Variants in LRMDA observed in about 807,000 individuals in gnomAD.
LRMDA encodes leucine rich melanocyte differentiation associated, also known as leucine-rich melanocyte differentiation-associated protein.
In LRMDA, 18 loss-of-function variants were observed where a neutral mutation model predicts 29.8. The observed-to-expected ratio is 0.60, with a 90% CI of 0.42 to 0.90. The LOEUF is 0.90. Among genes scored for constraint, LRMDA ranks in the 40% least tolerant of loss-of-function variants. The pLI, the probability that LRMDA is intolerant of heterozygous loss-of-function variation, is 0.00. For synonymous variants in LRMDA, 125 were observed against 109.4 expected (o/e 1.14, Z -0.89); for missense variants, 273 against 273.9 (o/e 1.00, Z 0.02).
chr10:76,357,643 T>C (rs1244869768), intron 6 of LRMDA, among the ~76,000 whole-genome samples: 4 of 152,158 alleles, frequency 2.6e-5, no homozygotes, highest in African/African-American at 9.7e-5. Context: ...CAGAGTGAAC[T>C]AGCTGCAGAG....
intron 6 of LRMDA, among the ~76,000 whole-genome samples, chr10:76,345,253 T>A (rs1213905871): frequency 6.9e-6 from 1 of 145,790 alleles, no homozygotes; most frequent in Admixed American, 6.8e-5. Context: ...TTTTTTTTTT[T>A]AGTAGAGACG....
intron 6 of LRMDA, among the ~76,000 whole-genome samples, chr10:76,439,064 G>A (rs925795139): frequency 1.3e-5 from 2 of 152,110 alleles, no homozygotes; most frequent in African/African-American, 4.8e-5. Flanking sequence ...TATTTGATTT[G>A]TAAAATATAA....
chr10:76,264,170 C>A lies in LRMDA; in HGVS notation c.517-60231C>A, dbSNP rs181479621. On this transcript the variant is annotated intron_variant, in intron 5 of 6. Coordinates refer to ENST00000611255, the MANE Select transcript of LRMDA (RefSeq NM_001305581.2). The stretch of plus-strand genomic sequence containing the variant: ...TCCCAACACTTTGGGAGGCCGAGAC[C>A]GGCAGATCACTTGAGGCCAGGAGTT... Among the ~76,000 whole-genome samples the A allele has an allele frequency of 1.0e-3, 159 of 151,954 alleles. 1 individual carries two copies. Among genetic ancestry groups the A allele is most frequent in the Middle Eastern group, 0.01 (3 of 294 alleles).
At chr10:75,539,955 T>G (rs1839996438) in intron 2 of LRMDA, among the ~76,000 whole-genome samples, 1 of 152,072 alleles carries the variant, frequency 6.6e-6, no homozygotes, top group Non-Finnish European at 1.5e-5. Flanking sequence ...CACCCAGGGG[T>G]TAAAGGTTAT....
intron 5 of LRMDA, among the ~76,000 whole-genome samples, chr10:76,113,040 C>A (rs1469100234): frequency 6.6e-6 from 1 of 152,166 alleles, no homozygotes; most frequent in Non-Finnish European, 1.5e-5. Flanking sequence ...TTAATCCAGG[C>A]CTTTTCCCTT....
chr10:75,872,890 CCTT>C (rs2132334046), intron 2 of LRMDA, among the ~76,000 whole-genome samples: 1 of 152,194 alleles, frequency 6.6e-6, no homozygotes, highest in Non-Finnish European at 1.5e-5. Flanking sequence ...TGTCTTCTCT[CCTT>C]CTTAGAGACA....
intron 2 of LRMDA, among the ~76,000 whole-genome samples, chr10:75,768,782 T>C (rs899771008): frequency 6.6e-6 from 1 of 152,182 alleles, no homozygotes; most frequent in Non-Finnish European, 1.5e-5. Context: ...TATAGTACAA[T>C]GGGATTGTAT....
At position 76,395,990 on chromosome 10, in the gene LRMDA, C is replaced by T. The variant is rs1841779111; in HGVS notation, c.601+71505C>T. Among the ~76,000 whole-genome samples, 10 of 152,154 alleles carry T rather than the reference C, an allele frequency of 6.6e-5. No homozygotes were observed. In the South Asian group the frequency reaches 2.1e-3, roughly 32 times the overall value. On this transcript the variant is annotated intron_variant, in intron 6 of 6. Transcript: ENST00000611255. Reference sequence around the variant, plus strand: ...CTGGGGCTGCCTGATACAAAAAGTTCCTTGTGAAAAGAGAAGATTGGAATC... The same window carrying T: ...CTGGGGCTGCCTGATACAAAAAGTTTCTTGTGAAAAGAGAAGATTGGAATC...
chr10:75,550,302 C>T (rs1840126876), intron 2 of LRMDA, among the ~76,000 whole-genome samples: 2 of 152,050 alleles, frequency 1.3e-5, no homozygotes, highest in South Asian at 4.2e-4. Flanking sequence ...TTCAAGTCTC[C>T]TATTCTTCCT....
chr10:75,937,418 C>G (rs551565340), intron 2 of LRMDA, among the ~76,000 whole-genome samples: 1 of 152,272 alleles, frequency 6.6e-6, no homozygotes, highest in Non-Finnish European at 1.5e-5. Flanking sequence ...GGGGGCCTGG[C>G]CCTCACAGGG....
intron 6 of LRMDA, among the ~76,000 whole-genome samples, chr10:76,336,699 C>A (rs1356521292): frequency 6.6e-6 from 1 of 152,128 alleles, no homozygotes; most frequent in Admixed American, 6.5e-5. Flanking sequence ...AAAAAAATAT[C>A]CTGTGTTGTT....
intron 2 of LRMDA, among the ~76,000 whole-genome samples, chr10:75,520,873 A>T (rs1481809037): frequency 6.6e-6 from 1 of 151,996 alleles, no homozygotes; most frequent in Non-Finnish European, 1.5e-5. Flanking sequence ...TTTGGTGTGG[A>T]TGCCCTTTTT....
chr10:75,616,876 T>C (rs766854434), intron 2 of LRMDA, among the ~76,000 whole-genome samples: 7 of 152,242 alleles, frequency 4.6e-5, no homozygotes, highest in Non-Finnish European at 8.8e-5. Flanking sequence ...AGATTCTCTC[T>C]GCCAGGGTGT....
At chr10:76,397,931 A>G (rs1176049119) in intron 6 of LRMDA, among the ~76,000 whole-genome samples, 2 of 152,222 alleles carry the variant, frequency 1.3e-5, no homozygotes, top group African/African-American at 4.8e-5. Context: ...TGCCACTCCT[A>G]GAGCACAAAC....
chr10:75,473,962 G>A (rs1201521693), intron 2 of LRMDA, among the ~76,000 whole-genome samples: 1 of 152,188 alleles, frequency 6.6e-6, no homozygotes, highest in Admixed American at 6.5e-5. Context: ...TAGGTCTGGG[G>A]TGAGGTCCAA....
At chr10:76,312,480 A>G (rs1840641243) in intron 5 of LRMDA, among the ~76,000 whole-genome samples, 1 of 152,038 alleles carries the variant, frequency 6.6e-6, no homozygotes, top group South Asian at 2.1e-4. Context: ...CTTGACCCGT[A>G]GCCCTCAAGA....
chr10:75,989,465 C>T (rs1214161777), intron 2 of LRMDA, among the ~76,000 whole-genome samples: 4 of 152,202 alleles, frequency 2.6e-5, no homozygotes, highest in Non-Finnish European at 4.4e-5. Context: ...TCAACCACAG[C>T]TCCAAAGGGG....
In LRMDA at chr10:76,084,194, C is replaced by CTATT. The variant is rs113420141; in HGVS notation, c.516+25429_516+25432dup. Reference sequence around the variant, plus strand: ...TGTTTTTTCTTTTCTTTTCTTTTCTCTATTTATTTATTTATTTATTTGAGA... The same window carrying CTATT: ...TGTTTTTTCTTTTCTTTTCTTTTCTCTATTTATTTATTTATTTATTTATTTGAGA... On this transcript the variant is annotated intron_variant, in intron 5 of 6. Transcript: ENST00000611255. Among the ~76,000 whole-genome samples the CTATT allele has an allele frequency of 2.4e-3, 363 of 150,698 alleles. 1 individual carries two copies. The highest frequency in any genetic ancestry group is 6.8e-3 in the African/African-American group (277 of 40,666).
intron 2 of LRMDA, among the ~76,000 whole-genome samples, chr10:75,645,351 A>C (rs1332401931): frequency 2.6e-5 from 4 of 152,330 alleles, no homozygotes; most frequent in South Asian, 2.1e-4. Context: ...TAGATGAGGA[A>C]ATGGAAGCTC....
Sources: gnomAD v4.1 joint callset for allele counts (sites outside exome capture counted in the v4.1 genomes callset) on GRCh38, gnomAD v4.1.1 for gene constraint, MANE v1.5 for transcripts, NCBI Gene and HGNC (gene_info 2026-07-23, HGNC 2026-07-21) for gene names.